ADSS1: variants seen among roughly 807,000 people sequenced by gnomAD.
The protein encoded by ADSS1 is adenylosuccinate synthase 1.
A neutral mutation model predicts 59.1 loss-of-function variants in ADSS1; 57 were observed. That is an observed-to-expected ratio of 0.97 (90% CI 0.78 to 1.20). The LOEUF (loss-of-function observed/expected upper bound fraction) is 1.20. Ranked by LOEUF, ADSS1 falls within the 50% of genes most tolerant of loss-of-function variation. The probability of loss-of-function intolerance (pLI) is 0.00; values close to 1 mark genes in which losing one functional copy is unlikely to be tolerated. For synonymous variants in ADSS1, 247 were observed against 249.4 expected, an observed-to-expected ratio of 0.99 and a Z score of 0.09; for missense variants, 603 against 610.3, an observed-to-expected ratio of 0.99 and a Z score of 0.13.
intron 1 of ADSS1, chr14:104,730,285 G>C: frequency 7.1e-7 from 1 of 1,401,078 alleles, no homozygotes; most frequent in East Asian, 2.6e-5. Context: ...CTTAGGGTCA[G>C]GAGTTCAAGA....
intron 10 of ADSS1, chr14:104,744,484 A>C (rs2140827604): frequency 4.0e-6 from 1 of 247,110 alleles, no homozygotes; most frequent in African/African-American, 2.2e-5. Context: ...TTTCGGGATG[A>C]AACTGTCCCA....
chr14:104,740,974 G>A lies in ADSS1; in HGVS notation c.666+54G>A. 1 of 1,610,124 alleles carries A rather than the reference G, an allele frequency of 6.2e-7. No individual in the cohort carries two copies. The highest frequency in any genetic ancestry group is 1.7e-5 in the Admixed American group (1 of 60,014). On this transcript the variant is annotated intron_variant, in intron 7 of 12. Coordinates refer to ENST00000330877, the MANE Select transcript of ADSS1 (RefSeq NM_152328.5). The surrounding 1 kb of genome is among the most constrained non-coding windows in gnomAD (Gnocchi z 4.8). ...GCGGAAGTGCTCCTCCAGGGAGGCT[G>A]GATGTCCTACCTGGTGCTCGTTGAA...
chr14:104,735,024 G>GC lies in ADSS1; in HGVS notation c.198dup (p.Asn67GlnfsTer45). ...TCAGCCGGGTTTCTGTTCCAGGGGG[G>GC]CAACAACGCCGGCCACACGGTGGTG... On this transcript the variant is annotated frameshift_variant, in exon 2 of 13. Transcript: ENST00000330877. LOFTEE classifies it high-confidence loss of function. The GC allele has an allele frequency of 6.2e-7, 1 of 1,612,786 alleles. No individual in the cohort carries two copies. Among genetic ancestry groups the GC allele is most frequent in the Non-Finnish European group, 8.5e-7 (1 of 1,179,078 alleles).
At chr14:104,732,531 T>A (rs1011982529) in intron 1 of ADSS1, among the ~76,000 whole-genome samples, 1 of 152,202 alleles carries the variant, frequency 6.6e-6, no homozygotes, top group African/African-American at 2.4e-5. Context: ...GCACTGGCCC[T>A]GCGGTCATTG....
At chr14:104,730,147 A>G in intron 1 of ADSS1, 3 of 1,545,116 alleles carry the variant, frequency 1.9e-6, no homozygotes, top group Non-Finnish European at 2.6e-6. Flanking sequence ...GGTCAAATGC[A>G]GGAGGCCACA....
intron 1 of ADSS1, among the ~76,000 whole-genome samples, chr14:104,734,088 G>A (rs1387564011): frequency 6.6e-6 from 1 of 152,238 alleles, no homozygotes; most frequent in African/African-American, 2.4e-5. Flanking sequence ...GGGGCAATGA[G>A]CCATCATGGG....
intron 1 of ADSS1, 66 bp from the exon 2 acceptor site, chr14:104,734,954 G>T (rs1665679909): frequency 1.4e-6 from 2 of 1,416,048 alleles, no homozygotes; most frequent in Non-Finnish European, 2.0e-6. Context: ...CCCCATGTGG[G>T]TCAGTCCATG....
chr14:104,735,803 C>A (rs1447680645), intron 2 of ADSS1, among the ~76,000 whole-genome samples: 3 of 152,218 alleles, frequency 2.0e-5, no homozygotes, highest in African/African-American at 7.2e-5. Flanking sequence ...TTCTCTCGGT[C>A]AGAAGCCTGC....
chr14:104,747,109 C>A lies in ADSS1; in HGVS notation c.*106C>A. 9.9e-7 allele frequency: 1 copy of A among 1,012,728 alleles called. No individual in the cohort carries two copies. The allele number at this position is 1,012,728 out of a possible 1,614,324, so 62.7% of individuals were successfully genotyped here. A position where few individuals can be genotyped will look rare whatever the true frequency, so the allele number is the denominator to read the frequency against. ...ACAACCAACACCAAAGCAGGAAAAC[C>A]ATTTTCTGTACTTTTATATTTCTGT... On this transcript the variant is annotated 3_prime_UTR_variant, in exon 13 of 13. Transcript: ENST00000330877.
rs1891266630 is a variant in ADSS1, at chr14:104,739,742, C to T, written c.410-8C>T. 1 of 1,613,776 alleles carries T rather than the reference C, an allele frequency of 6.2e-7. No homozygotes were observed. Among genetic ancestry groups the T allele is most frequent in the African/African-American group, 1.3e-5 (1 of 74,926 alleles). On this transcript the variant is annotated splice_polypyrimidine_tract_variant and splice_region_variant and intron_variant, in intron 4 of 12. Coordinates refer to ENST00000330877, the MANE Select transcript of ADSS1 (RefSeq NM_152328.5). ...TCTCCTGCTGCCCTCACCTGGCCCG[C>T]CCGACAGTGTTTGATTTTCACCAGG...
chr14:104,737,590 C>T (rs1425097166), intron 2 of ADSS1: 2 of 152,340 alleles, frequency 1.3e-5, no homozygotes, highest in Admixed American at 6.5e-5. Flanking sequence ...CCTTAAATAC[C>T]GAGGAATGTG....
intron 8 of ADSS1, among the ~76,000 whole-genome samples, chr14:104,741,507 G>T (rs559818631): frequency 6.6e-6 from 1 of 152,182 alleles, no homozygotes; most frequent in Non-Finnish European, 1.5e-5. Context: ...TGGCAAGGTG[G>T]GTCAGAGCCA....
rs1009038048 is a variant in ADSS1, at chr14:104,746,858, T to C, written c.1322-93T>C. On this transcript the variant is annotated intron_variant, in intron 12 of 12. Coordinates refer to ENST00000330877, the MANE Select transcript of ADSS1 (RefSeq NM_152328.5). ...GAGAGAAAATAGCCCCTTTTACCAT[T>C]TGAACTACACAGAAAGATACGACAC... is the stretch of plus-strand genomic sequence containing the variant. 5 of 1,330,492 alleles carry C rather than the reference T, an allele frequency of 3.8e-6. No homozygotes were observed. The African/African-American group carries it at 7.3e-5, about 19-fold the overall frequency. The allele number at this position is 1,330,492 out of a possible 1,614,324, so 82.4% of individuals were successfully genotyped here.
chr14:104,741,182 C>T lies in ADSS1; in HGVS notation c.732C>T (p.His244=), dbSNP rs775373386. ...DGVYFMYEAL[H]GPPKKILVEG... ...TTTACTTTATGTATGAGGCACTCCACGGCCCCCCCAAGAAGATCCTGGTGG... is the reference window on the plus strand; with the variant it reads ...TTTACTTTATGTATGAGGCACTCCATGGCCCCCCCAAGAAGATCCTGGTGG... Residue 244 remains histidine, a synonymous_variant, in exon 8 of 13, where the codon CAC becomes CAT. Coordinates refer to ENST00000330877, the MANE Select transcript of ADSS1 (RefSeq NM_152328.5). 42 of 1,611,920 alleles carry T rather than the reference C, an allele frequency of 2.6e-5. No individual in the cohort carries two copies. The highest frequency in any genetic ancestry group is 4.0e-5 in the African/African-American group (3 of 74,870).
intron 1 of ADSS1, among the ~76,000 whole-genome samples, chr14:104,729,491 G>A (rs985610223): frequency 1.1e-4 from 17 of 150,222 alleles, no homozygotes; most frequent in African/African-American, 4.2e-4. Flanking sequence ...GCGTGGGAGG[G>A]AGGAGGTAGC....
Position 104,740,055 on chromosome 14 carries a change from C to A in ADSS1, c.476+239C>A, listed in dbSNP as rs907118371. Among the ~76,000 whole-genome samples the A allele has an allele frequency of 2.0e-5, 3 of 152,204 alleles. No individual in the cohort carries two copies. The highest frequency in any genetic ancestry group is 2.1e-4 in the South Asian group (1 of 4,832). ...GCTGCCACTGCCACGCGGCTCCCCC[C>A]AGGAGTGCATAAGCCCTACCGTCAC... On this transcript the variant is annotated intron_variant, in intron 5 of 12. Coordinates refer to ENST00000330877, the MANE Select transcript of ADSS1 (RefSeq NM_152328.5). The surrounding 1 kb of genome is among the most constrained non-coding windows in gnomAD (Gnocchi z 4.8).
rs1433748237 is a variant in ADSS1, at chr14:104,735,026, A to T, written c.199A>T (p.Asn67Tyr). The T allele has an allele frequency of 6.2e-7, 1 of 1,612,828 alleles. No individual in the cohort carries two copies. Among genetic ancestry groups the T allele is most frequent in the Non-Finnish European group, 8.5e-7 (1 of 1,179,200 alleles). The change falls in exon 2 of 13, where the codon AAC becomes TAC. Residue 67 changes from asparagine to tyrosine, a missense_variant. By Grantham distance (143) the Asn-to-Tyr change is moderately radical. Transcript: ENST00000330877. ...AGCCGGGTTTCTGTTCCAGGGGGGC[A>T]ACAACGCCGGCCACACGGTGGTGGT... Reference protein sequence around the residue: ...ADIISRCQGGNNAGHTVVVDG... With the variant: ...ADIISRCQGGYNAGHTVVVDG...
chr14:104,739,741 G>T lies in ADSS1; in HGVS notation c.410-9G>T, dbSNP rs761377362. ...GTCTCCTGCTGCCCTCACCTGGCCC[G>T]CCCGACAGTGTTTGATTTTCACCAG... is the stretch of plus-strand genomic sequence containing the variant. On this transcript the variant is annotated splice_polypyrimidine_tract_variant and intron_variant, in intron 4 of 12. Transcript: ENST00000330877. The T allele has an allele frequency of 1.9e-6, 3 of 1,613,576 alleles. No homozygotes were observed. The highest frequency in any genetic ancestry group is 3.3e-5 in the Admixed American group (2 of 59,968).
At chr14:104,736,881 G>GATAGATATATAT (rs1891145425) in intron 2 of ADSS1, among the ~76,000 whole-genome samples, 1 of 106,588 alleles carries the variant, frequency 9.4e-6, no homozygotes, top group Non-Finnish European at 1.9e-5. Flanking sequence ...GCACCTAGCT[G>GATAGATATATAT]ATATATATAT....
Sources: allele counts gnomAD v4.1 joint callset (sites outside exome capture counted in the v4.1 genomes callset), GRCh38; gene constraint gnomAD v4.1.1; non-coding constraint Gnocchi (gnomAD v3.1); transcripts MANE v1.5; gene names NCBI Gene and HGNC (gene_info 2026-07-23, HGNC 2026-07-21).